The following ARID4B variants were observed in gnomAD, a reference collection of about 807,000 sequenced individuals.
ARID4B encodes the protein AT-rich interaction domain 4B.
Under a neutral mutation model 147.5 loss-of-function variants are expected in ARID4B, and 26 were observed. The ratio of observed to expected loss-of-function variants is 0.18; its 90% confidence interval spans 0.13 to 0.24. The LOEUF is 0.24. Ranked by LOEUF, ARID4B falls within the 10% of genes least tolerant of loss-of-function variation. The probability of loss-of-function intolerance (pLI) is 1.00; values close to 1 mark genes in which losing one functional copy is unlikely to be tolerated. For missense variants in ARID4B, 1,179 were observed against 1,511.5 expected (o/e 0.78, Z 3.65); for synonymous variants, 512 against 507.9 (o/e 1.01, Z -0.11).
At chr1:235,207,747 G>T (rs374604594) in intron 17 of ARID4B, among the ~76,000 whole-genome samples, 12 of 152,140 alleles carry the variant, frequency 7.9e-5, no homozygotes, top group Non-Finnish European at 1.3e-4. Context: ...GCAACTGAAT[G>T]ATGGCAAAAA....
Position 235,263,561 on chromosome 1 carries a change from G to A in ARID4B, c.7-2809C>T, listed in dbSNP as rs961446508. Among the ~76,000 whole-genome samples the A allele has an allele frequency of 3.9e-5, 6 of 152,124 alleles. 1 individual carries two copies. Among genetic ancestry groups the A allele is most frequent in the African/African-American group, 1.2e-4 (5 of 41,406 alleles). Reference sequence around the variant, plus strand: ...CAACAATATAAAAATCCGTGTTGACGGGAGAAGGGTATTTATTACTTCAAA... The same window carrying A: ...CAACAATATAAAAATCCGTGTTGACAGGAGAAGGGTATTTATTACTTCAAA... On this transcript the variant is annotated intron_variant, in intron 2 of 23. Transcript: ENST00000264183.
In ARID4B at chr1:235,221,554, T is replaced by C. The variant is rs200426012; in HGVS notation, c.1163+11A>G. On this transcript the variant is annotated intron_variant, in intron 14 of 23. Coordinates refer to ENST00000264183, the MANE Select transcript of ARID4B (RefSeq NM_016374.6). ...ATACTGAAGATAATCATATCAATTA[T>C]ACTAACTTACTTTTTATAAGCACAT... 70 of 1,472,848 alleles carry C rather than the reference T, an allele frequency of 4.8e-5. No individual in the cohort carries two copies. The highest frequency in any genetic ancestry group is 1.8e-4 in the Middle Eastern group (1 of 5,494). The allele number at this position is 1,472,848 out of a possible 1,614,324, so 91.2% of individuals were successfully genotyped here.
Position 235,182,038 on chromosome 1 carries a change from C to T in ARID4B, c.2881G>A (p.Glu961Lys), listed in dbSNP as rs762224425. 1.2e-6 allele frequency: 2 copies of T among 1,614,192 alleles called. No individual in the cohort carries two copies. Among genetic ancestry groups the T allele is most frequent in the African/African-American group, 2.7e-5 (2 of 75,042 alleles). ...AAASPPHPAPEEGVAEESLQT... is the reference protein window; with the variant it reads ...AAASPPHPAPKEGVAEESLQT... ...AGTGACTCCTCTGCCACCCCCTCCT[C>T]TGGGGCAGGATGCGGTGGGGAAGCT... is the stretch of plus-strand genomic sequence containing the variant. Residue 961 changes from glutamate to lysine, a missense_variant, in exon 20 of 24, where the codon GAG (glutamate) becomes AAG (lysine). Glu to Lys is a moderately conservative substitution (Grantham distance 56). This residue lies in a region of ARID4B where 357 missense variants were observed against 427.3 expected (regional missense o/e 0.84). Transcript: ENST00000264183.
At chr1:235,259,625 C>CAT (rs1285842850) in intron 3 of ARID4B, among the ~76,000 whole-genome samples, 1 of 152,186 alleles carries the variant, frequency 6.6e-6, no homozygotes, top group Non-Finnish European at 1.5e-5. Context: ...AACCACCAAG[C>CAT]ATGTGGAAAC....
intron 2 of ARID4B, among the ~76,000 whole-genome samples, chr1:235,274,616 ATGTAATTTTTT>A (rs1671200708): frequency 6.6e-6 from 1 of 152,198 alleles, no homozygotes; most frequent in Admixed American, 6.5e-5. Context: ...TCAATTAAAA[ATGTAATTTTTT>A]ATTCTACACA....
At chr1:235,253,425 T>C (rs969051330) in intron 5 of ARID4B, among the ~76,000 whole-genome samples, 1 of 152,288 alleles carries the variant, frequency 6.6e-6, no homozygotes, top group East Asian at 1.9e-4. Flanking sequence ...GCTCCAGGCA[T>C]TGCCAAATGT....
At chr1:235,300,396 G>A (rs1015849815) in intron 2 of ARID4B, among the ~76,000 whole-genome samples, 5 of 147,908 alleles carry the variant, frequency 3.4e-5, no homozygotes, top group Admixed American at 1.4e-4. Context: ...CAGCCTGGGC[G>A]ACAGAATGAG....
intron 17 of ARID4B, among the ~76,000 whole-genome samples, chr1:235,203,473 G>T (rs1391692331): frequency 2.6e-5 from 4 of 152,044 alleles, no homozygotes. Flanking sequence ...AAATAACTTC[G>T]TAAGTAAAAT....
At chr1:235,306,263 G>A (rs1371192367) in intron 2 of ARID4B, among the ~76,000 whole-genome samples, 1 of 152,076 alleles carries the variant, frequency 6.6e-6, no homozygotes, top group East Asian at 1.9e-4. Flanking sequence ...GCTCACTTTG[G>A]GAGGCTGAGA....
At chr1:235,209,229 C>T (rs75999888) in intron 17 of ARID4B, among the ~76,000 whole-genome samples, 1 of 152,140 alleles carries the variant, frequency 6.6e-6, no homozygotes. Flanking sequence ...AATCCCACCA[C>T]TTACGGGGGC....
intron 19 of ARID4B, among the ~76,000 whole-genome samples, chr1:235,184,602 T>C (rs1664546669): frequency 6.6e-6 from 1 of 152,158 alleles, no homozygotes; most frequent in Non-Finnish European, 1.5e-5. Context: ...ATAACTGACA[T>C]AACTAAGATT....
chr1:235,217,654 C>A (rs1179394924), intron 16 of ARID4B, among the ~76,000 whole-genome samples: 1 of 152,110 alleles, frequency 6.6e-6, no homozygotes, highest in Non-Finnish European at 1.5e-5. Flanking sequence ...AGGCACTGAA[C>A]TAGACATTTT....
intron 2 of ARID4B, among the ~76,000 whole-genome samples, chr1:235,301,745 G>A (rs765134484): frequency 1.3e-5 from 2 of 149,402 alleles, no homozygotes; most frequent in African/African-American, 2.5e-5. Flanking sequence ...ATGCAGTCTC[G>A]CTCTTATCAC....
intron 16 of ARID4B, among the ~76,000 whole-genome samples, chr1:235,214,910 C>G (rs908607608): frequency 7.3e-6 from 1 of 136,582 alleles, no homozygotes; most frequent in Non-Finnish European, 1.5e-5. Context: ...GGCGCAATCT[C>G]GGCTCACTGC....
In ARID4B at chr1:235,291,991, AG is replaced by A. The variant is rs1358646314; in HGVS notation, c.7-31240del. Among the ~76,000 whole-genome samples, 4 of 152,314 alleles carry A rather than the reference AG, an allele frequency of 2.6e-5. No homozygotes were observed. The East Asian group carries it at 7.7e-4, about 29-fold the overall frequency. On this transcript the variant is annotated intron_variant, in intron 2 of 23. Coordinates refer to ENST00000264183, the MANE Select transcript of ARID4B (RefSeq NM_016374.6). Reference sequence around the variant, plus strand: ...GGGAAATTTAACAATTGGAGGTAAAAGGTAGGATGAAAGGGTTTTTACTATA... The same window carrying A: ...GGGAAATTTAACAATTGGAGGTAAAAGTAGGATGAAAGGGTTTTTACTATA...
At chr1:235,301,530 A>G (rs369101734) in intron 2 of ARID4B, among the ~76,000 whole-genome samples, 2 of 115,612 alleles carry the variant, frequency 1.7e-5, no homozygotes, top group African/African-American at 3.2e-5. Flanking sequence ...GTGAGACCCT[A>G]TTTCTTTTTT....
intron 17 of ARID4B, 47 bp from the exon 18 acceptor site, chr1:235,196,162 GA>G: frequency 1.0e-6 from 1 of 966,082 alleles, no homozygotes; most frequent in Non-Finnish European, 1.5e-6. Context: ...ATATACCACG[GA>G]AATAACCTAT....
intron 2 of ARID4B, among the ~76,000 whole-genome samples, chr1:235,278,417 C>T (rs1671474821): frequency 6.6e-6 from 1 of 152,030 alleles, no homozygotes; most frequent in Admixed American, 6.6e-5. Context: ...GCATCCCCTC[C>T]TATAAGCATT....
chr1:235,237,169 G>C (rs1456856898), intron 8 of ARID4B, among the ~76,000 whole-genome samples: 1 of 151,746 alleles, frequency 6.6e-6, no homozygotes, highest in Non-Finnish European at 1.5e-5. Flanking sequence ...CACTGCAGCT[G>C]GCCTTAAAAC....
Sources: gnomAD v4.1 joint callset for allele counts (sites outside exome capture counted in the v4.1 genomes callset) on GRCh38, gnomAD v4.1.1 for gene constraint, gnomAD v4.1.1 regional missense constraint, MANE v1.5 for transcripts, NCBI Gene and HGNC (gene_info 2026-07-23, HGNC 2026-07-21) for gene names.